Variants in AAGAB observed in about 807,000 individuals in gnomAD.
AAGAB encodes the protein alpha- and gamma-adaptin-binding protein p34.
In AAGAB, 38 loss-of-function variants were observed where a neutral mutation model predicts 44.1. The ratio of observed to expected loss-of-function variants is 0.86; its 90% CI spans 0.67 to 1.13. The LOEUF is 1.13. AAGAB is among the 50% of genes most tolerant of loss of function. AAGAB has a pLI of 0.00. For synonymous variants in AAGAB, 131 were observed against 131.8 expected (o/e 0.99, Z 0.04); for missense variants, 450 against 373.8 (o/e 1.20, Z -1.68).
chr15:67,226,178 G>T (rs1964200391), intron 5 of AAGAB, among the ~76,000 whole-genome samples: 1 of 151,878 alleles, frequency 6.6e-6, no homozygotes, highest in Admixed American at 6.6e-5. Context: ...TGTTGCCCAG[G>T]CTGGAGTACA....
chr15:67,244,820 T>TA (rs988288048), intron 1 of AAGAB, among the ~76,000 whole-genome samples: 54 of 139,286 alleles, frequency 3.9e-4, no homozygotes, highest in African/African-American at 4.5e-4. Context: ...ATAAAATAGT[T>TA]AAAAAAAAAA....
At chr15:67,210,354 A>G (rs887063435) in intron 5 of AAGAB, among the ~76,000 whole-genome samples, 2 of 152,088 alleles carry the variant, frequency 1.3e-5, no homozygotes, top group Non-Finnish European at 2.9e-5. Flanking sequence ...GTCTCTACTA[A>G]AATTACAAAA....
Position 67,201,283 on chromosome 15 carries a change from G to GAA in AAGAB, c.*1537_*1538insTT, listed in dbSNP as rs1963565396. On this transcript the variant is annotated 3_prime_UTR_variant, in exon 10 of 10. Coordinates refer to ENST00000261880, the MANE Select transcript of AAGAB (RefSeq NM_024666.5). Reference sequence around the variant, plus strand: ...CACAGACTCAAAGTCTTTCAGAACAGTAAAAGAAAAAAAAAAAAAAAGGAA... The same window carrying GAA: ...CACAGACTCAAAGTCTTTCAGAACAGAATAAAAGAAAAAAAAAAAAAAAGGAA... The GAA allele has an allele frequency of 7.9e-6, 1 of 127,008 alleles. No individual in the cohort carries two copies. Among genetic ancestry groups the GAA allele is most frequent in the African/African-American group, 2.9e-5 (1 of 35,042 alleles). 7.9% of individuals were successfully genotyped at this position (127,008 alleles called of 1,614,324 possible).
At chr15:67,204,256 G>T in intron 7 of AAGAB, 108 bp from the exon 8 acceptor site, 1 of 725,000 alleles carries the variant, frequency 1.4e-6, no homozygotes, top group Non-Finnish European at 2.3e-6. Flanking sequence ...ATGATCGAAG[G>T]CCCAGTGTAT....
chr15:67,206,607 A>G (rs1963690847), intron 7 of AAGAB, among the ~76,000 whole-genome samples: 2 of 152,112 alleles, frequency 1.3e-5, no homozygotes, highest in African/African-American at 4.8e-5. Context: ...ATTTATTTAT[A>G]TTAGTATGAA....
chr15:67,231,922 T>G, intron 4 of AAGAB, 25 bp from the exon 5 acceptor site: 1 of 1,559,020 alleles, frequency 6.4e-7, no homozygotes. Flanking sequence ...GAAATATATA[T>G]ATTTATATGC....
At chr15:67,206,509 T>C (rs1162764298) in intron 7 of AAGAB, among the ~76,000 whole-genome samples, 3 of 152,180 alleles carry the variant, frequency 2.0e-5, no homozygotes, top group African/African-American at 7.2e-5. Context: ...ATGATGGCTT[T>C]CTATTTTCCT....
chr15:67,222,050 A>G (rs1438119144), intron 5 of AAGAB, among the ~76,000 whole-genome samples: 1 of 151,984 alleles, frequency 6.6e-6, no homozygotes, highest in African/African-American at 2.4e-5. Flanking sequence ...CAGGACTCAA[A>G]ACTACCATCT....
intron 5 of AAGAB, among the ~76,000 whole-genome samples, chr15:67,222,282 A>ACACACACACACACACACACACAC (rs796412643): frequency 2.9e-5 from 4 of 139,848 alleles, no homozygotes; most frequent in South Asian, 2.4e-4. Flanking sequence ...ACACACACAC[A>ACACACACACACACACACACACAC]CCCTCCACCC....
chr15:67,206,249 G>A (rs1418067748), intron 7 of AAGAB, among the ~76,000 whole-genome samples: 3 of 152,154 alleles, frequency 2.0e-5, no homozygotes, highest in Non-Finnish European at 4.4e-5. Flanking sequence ...CATTTTTGGT[G>A]AGATTACCTT....
intron 4 of AAGAB, among the ~76,000 whole-genome samples, chr15:67,233,316 T>C (rs1964385724): frequency 6.6e-6 from 1 of 152,166 alleles, no homozygotes; most frequent in Admixed American, 6.5e-5. Flanking sequence ...TTATTAGTAC[T>C]ATCCTGCTTC....
intron 1 of AAGAB, among the ~76,000 whole-genome samples, chr15:67,251,132 A>C (rs1378331005): frequency 6.6e-6 from 1 of 152,168 alleles, no homozygotes; most frequent in African/African-American, 2.4e-5. Flanking sequence ...AAGGCCTTTG[A>C]GTGACAAAAA....
At chr15:67,210,738 G>C (rs1963798746) in intron 5 of AAGAB, among the ~76,000 whole-genome samples, 1 of 152,184 alleles carries the variant, frequency 6.6e-6, no homozygotes, top group Admixed American at 6.5e-5. Flanking sequence ...GACGCTATCT[G>C]AGATTCACTG....
chr15:67,253,303 C>CT (rs1964936228), intron 1 of AAGAB, among the ~76,000 whole-genome samples: 1 of 147,406 alleles, frequency 6.8e-6, no homozygotes, highest in Non-Finnish European at 1.5e-5. Context: ...TGGCACACAC[C>CT]TGTAGTCCCA....
intron 5 of AAGAB, among the ~76,000 whole-genome samples, chr15:67,219,154 T>C (rs1964014239): frequency 6.6e-6 from 1 of 152,170 alleles, no homozygotes; most frequent in South Asian, 2.1e-4. Flanking sequence ...TCTCAACCAT[T>C]TTCAGTACAG....
At chr15:67,203,892 T>C in intron 8 of AAGAB, 152 bp downstream of exon 8, 2 of 615,628 alleles carry the variant, frequency 3.2e-6, no homozygotes. Flanking sequence ...GGAATTTTTT[T>C]TTTTTACCAA....
chr15:67,238,251 A>G (rs965493064), intron 1 of AAGAB, among the ~76,000 whole-genome samples: 2 of 152,216 alleles, frequency 1.3e-5, no homozygotes, highest in African/African-American at 4.8e-5. Context: ...ATATTTGACA[A>G]TCTGAGTGCA....
intron 4 of AAGAB, among the ~76,000 whole-genome samples, chr15:67,234,481 A>G (rs571990123): frequency 2.0e-5 from 3 of 152,340 alleles, no homozygotes; most frequent in Admixed American, 6.5e-5. Context: ...AAACTAGCAT[A>G]AAGTCCTATA....
At position 67,235,981 on chromosome 15, in the gene AAGAB, T is replaced by C; in HGVS notation, c.449A>G (p.Asp150Gly). The change falls in exon 4 of 10, where the codon GAT becomes GGT. Residue 150 changes from aspartate to glycine, a missense_variant and splice_region_variant. Asp to Gly is a moderately conservative substitution (Grantham distance 94, BLOSUM62 -1). Transcript: ENST00000261880. ...TCTCCTAACACATAAACACTTACCA[T>C]CCTCCTCAGGCAACTCCTCTGGACT... ...ELSPEELPEE[D>G]DDFPESTGVK... 1 of 1,602,256 alleles carries C rather than the reference T, an allele frequency of 6.2e-7. No homozygotes were observed. Among genetic ancestry groups the C allele is most frequent in the Non-Finnish European group, 8.5e-7 (1 of 1,171,192 alleles).
Sources: gnomAD v4.1 joint callset for allele counts (sites outside exome capture counted in the v4.1 genomes callset) on GRCh38, gnomAD v4.1.1 for gene constraint, MANE v1.5 for transcripts, NCBI Gene and HGNC (gene_info 2026-07-23, HGNC 2026-07-21) for gene names.